Variants in ASIC2 observed in about 807,000 individuals in gnomAD.
ASIC2 encodes acid sensing ion channel subunit 2, also known as acid-sensing ion channel 2.
In ASIC2, 25 loss-of-function variants were observed where a neutral mutation model predicts 57.3. The observed-to-expected ratio is 0.44, with a 90% CI of 0.32 to 0.61. The LOEUF is 0.61. Ranked by LOEUF, ASIC2 falls within the 20% of genes least tolerant of loss-of-function variation. The pLI, the probability that ASIC2 is intolerant of heterozygous loss-of-function variation, is 0.06. For missense variants in ASIC2, 641 were observed against 738.1 expected (o/e 0.87, Z 1.52); for synonymous variants, 319 against 307.5 (o/e 1.04, Z -0.39).
intron 1 of ASIC2, among the ~76,000 whole-genome samples, chr17:33,400,111 C>G (rs984149648): frequency 6.6e-6 from 1 of 152,172 alleles, no homozygotes; most frequent in Non-Finnish European, 1.5e-5. Context: ...AAACTGCAAA[C>G]CACTAAATTT....
chr17:33,791,598 A>G (rs1484613523), intron 1 of ASIC2, among the ~76,000 whole-genome samples: 1 of 152,300 alleles, frequency 6.6e-6, no homozygotes, highest in South Asian at 2.1e-4. Context: ...CCAAACCTGT[A>G]TATAACAACA....
intron 1 of ASIC2, chr17:34,069,423 TTTC>T (rs1339846568): frequency 6.6e-6 from 1 of 152,054 alleles, no homozygotes; most frequent in Non-Finnish European, 1.5e-5. Flanking sequence ...CTTCCTCTCT[TTTC>T]TTCATTTCTT....
At chr17:33,464,571 C>CT (rs1465302358) in intron 1 of ASIC2, among the ~76,000 whole-genome samples, 6 of 70,534 alleles carry the variant, frequency 8.5e-5, no homozygotes, top group African/African-American at 3.4e-4. Context: ...TCTTTTCTCT[C>CT]TTTCTCTCTT....
chr17:34,014,500 G>T (rs891178616), intron 1 of ASIC2, among the ~76,000 whole-genome samples: 2 of 152,180 alleles, frequency 1.3e-5, no homozygotes, highest in Non-Finnish European at 2.9e-5. Context: ...GTAAGAAAGG[G>T]TGCCCTAAAT....
At chr17:34,011,060 C>CATGA (rs369134452) in intron 1 of ASIC2, among the ~76,000 whole-genome samples, 1 of 150,448 alleles carries the variant, frequency 6.6e-6, no homozygotes, top group Admixed American at 6.6e-5. Flanking sequence ...CACACAGACA[C>CATGA]ACACATGCCT....
intron 1 of ASIC2, among the ~76,000 whole-genome samples, chr17:33,349,348 A>C (rs1289500542): frequency 1.3e-5 from 2 of 152,226 alleles, no homozygotes; most frequent in Non-Finnish European, 2.9e-5. Flanking sequence ...TTTCTGATGG[A>C]GAGGAATCCA....
chr17:33,215,742 C>G (rs1220758513), intron 1 of ASIC2, among the ~76,000 whole-genome samples: 1 of 151,566 alleles, frequency 6.6e-6, no homozygotes, highest in Non-Finnish European at 1.5e-5. Flanking sequence ...CGCTGTCGCC[C>G]AGGCTGGAAT....
At chr17:33,209,616 G>C (rs962067137) in intron 1 of ASIC2, among the ~76,000 whole-genome samples, 5 of 152,344 alleles carry the variant, frequency 3.3e-5, no homozygotes, top group Non-Finnish European at 7.3e-5. Context: ...AACTGCCACC[G>C]CTTAAGAACC....
chr17:33,773,168 C>T (rs1449226315), intron 1 of ASIC2, among the ~76,000 whole-genome samples: 2 of 151,994 alleles, frequency 1.3e-5, no homozygotes, highest in Non-Finnish European at 2.9e-5. Flanking sequence ...GTTTAAACTG[C>T]ATAGGGATTG....
chr17:33,423,358 A>G (rs1353426612), intron 1 of ASIC2, among the ~76,000 whole-genome samples: 1 of 152,162 alleles, frequency 6.6e-6, no homozygotes, highest in South Asian at 2.1e-4. Flanking sequence ...TGACTGGGGA[A>G]CTACAGGCTG....
intron 1 of ASIC2, chr17:34,038,812 A>T: frequency 6.2e-7 from 1 of 1,612,058 alleles, no homozygotes; most frequent in Non-Finnish European, 8.5e-7. Context: ...TGGTTGCAGG[A>T]GGGGCCTGAC....
At chr17:34,023,815 G>C (rs1161516082) in intron 1 of ASIC2, among the ~76,000 whole-genome samples, 2 of 152,186 alleles carry the variant, frequency 1.3e-5, no homozygotes, top group African/African-American at 4.8e-5. Flanking sequence ...TTTTGTTTTA[G>C]CTGCACAAAG....
chr17:33,665,645 C>T (rs765726037), intron 1 of ASIC2, among the ~76,000 whole-genome samples: 3 of 152,220 alleles, frequency 2.0e-5, no homozygotes, highest in Non-Finnish European at 4.4e-5. Context: ...CAGAATCTCT[C>T]TTCCCAATCC....
intron 1 of ASIC2, among the ~76,000 whole-genome samples, chr17:33,268,548 A>C (rs1909568488): frequency 6.6e-6 from 1 of 152,214 alleles, no homozygotes; most frequent in Non-Finnish European, 1.5e-5. Context: ...TTAACTCTAT[A>C]ACAATAAGAA....
At chr17:33,540,731 A>G (rs1441772017) in intron 1 of ASIC2, among the ~76,000 whole-genome samples, 2 of 152,166 alleles carry the variant, frequency 1.3e-5, no homozygotes, top group Non-Finnish European at 2.9e-5. Flanking sequence ...CATAGGGACC[A>G]GGTCTTCCAA....
At chr17:33,963,903 A>AT (rs1470170559) in intron 1 of ASIC2, among the ~76,000 whole-genome samples, 1 of 152,204 alleles carries the variant, frequency 6.6e-6, no homozygotes, top group Non-Finnish European at 1.5e-5. Flanking sequence ...AGATTGCTAA[A>AT]TTTGGCATTA....
rs189467449 is a variant in ASIC2, at chr17:33,133,691, C to T, written c.709-21624G>A. 3.9e-5 allele frequency among the ~76,000 whole-genome samples: 6 copies of T among 152,248 alleles called. No homozygotes were observed. In the East Asian group the frequency reaches 7.7e-4, roughly 20 times the overall value. The stretch of plus-strand genomic sequence containing the variant: ...GAAATAGGGAAGTTATGAAATGCAG[C>T]GGCAAGGTAGGTCCGTGGTGATCTC... On this transcript the variant is annotated intron_variant, in intron 1 of 9. Transcript: ENST00000225823.
intron 1 of ASIC2, among the ~76,000 whole-genome samples, chr17:33,437,344 A>G (rs1432872829): frequency 6.6e-6 from 1 of 152,236 alleles, no homozygotes; most frequent in South Asian, 2.1e-4. Flanking sequence ...TGCACACTTG[A>G]GTGATAAAAC....
intron 1 of ASIC2, among the ~76,000 whole-genome samples, chr17:33,691,228 T>C (rs1908358206): frequency 6.6e-6 from 1 of 152,234 alleles, no homozygotes; most frequent in African/African-American, 2.4e-5. Flanking sequence ...AGAATATCAG[T>C]GTGCTGAATA....
Sources: allele counts gnomAD v4.1 joint callset (sites outside exome capture counted in the v4.1 genomes callset), GRCh38; gene constraint gnomAD v4.1.1; transcripts MANE v1.5; gene names NCBI Gene and HGNC (gene_info 2026-07-23, HGNC 2026-07-21).